UBR2: variants seen among roughly 807,000 people sequenced by gnomAD.
The protein encoded by UBR2 is ubiquitin protein ligase E3 component n-recognin 2.
A neutral mutation model predicts 247.9 loss-of-function variants in UBR2; 92 were observed. The ratio of observed to expected loss-of-function variants is 0.37; its 90% CI spans 0.31 to 0.44. The LOEUF (loss-of-function observed/expected upper bound fraction) is 0.44, where lower values mean the gene tolerates loss of function less well. UBR2 is among the 20% of genes least tolerant of loss of function. The probability of loss-of-function intolerance (pLI) is 1.00; values close to 1 mark genes in which losing one functional copy is unlikely to be tolerated. For synonymous variants in UBR2, 672 were observed against 693.5 expected, an observed-to-expected ratio of 0.97 and a Z score of 0.49; for missense variants, 1,613 against 2,112.6, an observed-to-expected ratio of 0.76 and a Z score of 4.64.
rs1002664017 is a variant in UBR2, at chr6:42,573,638, T to C, written c.79-96T>C. ...TAAACAAAATATTTTAATATGCTTTTGTCATTATTTTTGTACCTAAAAGAA... is the reference window on the plus strand; with the variant it reads ...TAAACAAAATATTTTAATATGCTTTCGTCATTATTTTTGTACCTAAAAGAA... On this transcript the variant is annotated intron_variant, in intron 1 of 46. Transcript: ENST00000372901. 3.8e-6 allele frequency: 5 copies of C among 1,319,028 alleles called. No individual in the cohort carries two copies. The African/African-American group carries it at 7.5e-5, about 20-fold the overall frequency. 81.7% of individuals were successfully genotyped at this position (1,319,028 alleles called of 1,614,324 possible).
At chr6:42,569,589 T>G (rs1790987966) in intron 1 of UBR2, among the ~76,000 whole-genome samples, 1 of 152,232 alleles carries the variant, frequency 6.6e-6, no homozygotes, top group Non-Finnish European at 1.5e-5. Flanking sequence ...AACTCCCACT[T>G]AAACACTATT....
chr6:42,606,453 A>G, intron 6 of UBR2, 136 bp from the exon 7 acceptor site: 1 of 691,032 alleles, frequency 1.4e-6, no homozygotes, highest in East Asian at 3.2e-5. Context: ...CTAACTTATC[A>G]ATGAGTAGGA....
intron 7 of UBR2, among the ~76,000 whole-genome samples, chr6:42,609,339 A>G (rs922201736): frequency 2.6e-5 from 4 of 152,198 alleles, no homozygotes; most frequent in Admixed American, 2.6e-4. Context: ...GGATGTTTTA[A>G]TAAGTCCACA....
chr6:42,588,627 A>G (rs1792449718), intron 2 of UBR2, among the ~76,000 whole-genome samples: 1 of 152,196 alleles, frequency 6.6e-6, no homozygotes, highest in East Asian at 1.9e-4. Flanking sequence ...ATCAGGCCAC[A>G]CTGCACTCCA....
chr6:42,686,318 A>G (rs1799392635), intron 44 of UBR2, among the ~76,000 whole-genome samples: 2 of 151,626 alleles, frequency 1.3e-5, no homozygotes, highest in African/African-American at 4.9e-5. Context: ...CTGTTTAACA[A>G]AGCACATCTT....
At chr6:42,663,880 T>C (rs1797962937) in intron 32 of UBR2, among the ~76,000 whole-genome samples, 2 of 152,120 alleles carry the variant, frequency 1.3e-5, no homozygotes, top group Non-Finnish European at 2.9e-5. Context: ...AAATCTCAGC[T>C]GGGCGTTGTG....
In UBR2 at chr6:42,564,182, CTG is replaced by C. The variant is rs924192792; in HGVS notation, c.-136_-135del. On this transcript the variant is annotated 5_prime_UTR_variant, in exon 1 of 47. Coordinates refer to ENST00000372901, the MANE Select transcript of UBR2 (RefSeq NM_001363705.2). ...CGGTTCACGTCACCCTTCTCTCCCT[CTG>C]TTGCTCCACCTGCAGCCACTTGGAC... The C allele has an allele frequency of 2.2e-6, 2 of 921,556 alleles. No homozygotes were observed. Among genetic ancestry groups the C allele is most frequent in the African/African-American group, 1.7e-5 (1 of 57,994 alleles). 57.1% of individuals were successfully genotyped at this position (921,556 alleles called of 1,614,324 possible).
At chr6:42,636,378 C>T (rs1699203540) in intron 14 of UBR2, among the ~76,000 whole-genome samples, 1 of 151,940 alleles carries the variant, frequency 6.6e-6, no homozygotes, top group African/African-American at 2.4e-5. Context: ...AGGGCTTCGC[C>T]GTGTTACCCA....
chr6:42,585,288 G>A (rs1338968286), intron 2 of UBR2, among the ~76,000 whole-genome samples: 2 of 151,928 alleles, frequency 1.3e-5, no homozygotes, highest in African/African-American at 2.4e-5. Context: ...GGATGAATCC[G>A]GCTCTATTAT....
At chr6:42,611,261 G>A (rs1453882967) in intron 7 of UBR2, among the ~76,000 whole-genome samples, 1 of 151,042 alleles carries the variant, frequency 6.6e-6, no homozygotes, top group Non-Finnish European at 1.5e-5. Flanking sequence ...AAGAGATCGA[G>A]ACCATCCTGG....
At chr6:42,681,178 A>G (rs1799028820) in intron 42 of UBR2, among the ~76,000 whole-genome samples, 1 of 151,028 alleles carries the variant, frequency 6.6e-6, no homozygotes, top group African/African-American at 2.4e-5. Flanking sequence ...AAAAAAAAAA[A>G]AAAAGAAAGA....
Position 42,612,306 on chromosome 6 carries a change from G to A in UBR2, c.985+15G>A. 1 of 1,490,808 alleles carries A rather than the reference G, an allele frequency of 6.7e-7. No individual in the cohort carries two copies. Among genetic ancestry groups the A allele is most frequent in the South Asian group, 1.4e-5 (1 of 71,394 alleles). The allele number at this position is 1,490,808 out of a possible 1,614,324, so 92.3% of individuals were successfully genotyped here. Reference sequence around the variant, plus strand: ...TGGATATTCAGGTAGGTTCATAAAAGTTCATGCCAATTGTCTATTAAAAAT... The same window carrying A: ...TGGATATTCAGGTAGGTTCATAAAAATTCATGCCAATTGTCTATTAAAAAT... On this transcript the variant is annotated intron_variant, in intron 8 of 46. Transcript: ENST00000372901.
chr6:42,667,587 C>CTTTTTTTTTTTTTTT (rs1161068427), intron 34 of UBR2, among the ~76,000 whole-genome samples: 5 of 47,426 alleles, frequency 1.1e-4, no homozygotes, highest in African/African-American at 1.8e-4. Flanking sequence ...ACAGTTTTGT[C>CTTTTTTTTTTTTTTT]TTTTTTTTTT....
chr6:42,652,779 C>A, intron 25 of UBR2, 134 bp downstream of exon 25: 1 of 834,180 alleles, frequency 1.2e-6, no homozygotes, highest in Non-Finnish European at 1.8e-6. Context: ...ATTGTTACTG[C>A]TTTTGTGTCT....
chr6:42,569,136 T>C (rs1790961559), intron 1 of UBR2, among the ~76,000 whole-genome samples: 1 of 152,258 alleles, frequency 6.6e-6, no homozygotes, highest in African/African-American at 2.4e-5. Context: ...GAACATTTTT[T>C]ACAAATTTTT....
At position 42,670,083 on chromosome 6, in the gene UBR2, T is replaced by A. The variant is rs1439023778; in HGVS notation, c.3882-9T>A. Reference sequence around the variant, plus strand: ...TGTTCTGAGCTAATTTTATACATGTTTACTTCAGGATCCCTTATTCTGAGA... The same window carrying A: ...TGTTCTGAGCTAATTTTATACATGTATACTTCAGGATCCCTTATTCTGAGA... On this transcript the variant is annotated splice_polypyrimidine_tract_variant and intron_variant, in intron 34 of 46. Coordinates refer to ENST00000372901, the MANE Select transcript of UBR2 (RefSeq NM_001363705.2). The A allele has an allele frequency of 6.2e-7, 1 of 1,613,386 alleles. No homozygotes were observed. The highest frequency in any genetic ancestry group is 1.3e-5 in the African/African-American group (1 of 75,046).
At chr6:42,604,461 G>C (rs1235922431) in intron 5 of UBR2, among the ~76,000 whole-genome samples, 1 of 152,106 alleles carries the variant, frequency 6.6e-6, no homozygotes, top group African/African-American at 2.4e-5. Flanking sequence ...CTAATAAAAT[G>C]AGGTGACTAT....
chr6:42,684,905 C>A (rs774095669), intron 44 of UBR2, 34 bp downstream of exon 44: 3 of 1,527,718 alleles, frequency 2.0e-6, no homozygotes, highest in Non-Finnish European at 2.7e-6. Flanking sequence ...ACATTCCCTG[C>A]CACTGGAAAC....
At chr6:42,679,652 C>T in intron 41 of UBR2, 72 bp from the exon 42 acceptor site, 1 of 1,102,968 alleles carries the variant, frequency 9.1e-7, no homozygotes. Context: ...TTAAACTCTG[C>T]TATTGCTTAA....
Sources: gnomAD v4.1 joint callset for allele counts (sites outside exome capture counted in the v4.1 genomes callset) on GRCh38, gnomAD v4.1.1 for gene constraint, MANE v1.5 for transcripts, NCBI Gene and HGNC (gene_info 2026-07-23, HGNC 2026-07-21) for gene names.